Variants in FHIT observed in about 807,000 individuals in gnomAD.
The protein encoded by FHIT is bis(5'-adenosyl)-triphosphatase.
A neutral mutation model predicts 17.9 loss-of-function variants in FHIT; 19 were observed. That is an observed-to-expected ratio of 1.06 (90% CI 0.74 to 1.56). The LOEUF (loss-of-function observed/expected upper bound fraction) is 1.56. Ranked by LOEUF, FHIT falls within the 40% of genes most tolerant of loss-of-function variation. FHIT has a pLI of 0.00. For missense variants in FHIT, 248 were observed against 189.2 expected (o/e 1.31, Z -1.82); for synonymous variants, 81 against 69.7 (o/e 1.16, Z -0.81).
chr3:61,195,872 T>C (rs954614907), intron 2 of FHIT, among the ~76,000 whole-genome samples: 1 of 152,132 alleles, frequency 6.6e-6, no homozygotes, highest in African/African-American at 2.4e-5. Flanking sequence ...ACCTACCTTA[T>C]AAGGTAGATG....
intron 2 of FHIT, among the ~76,000 whole-genome samples, chr3:61,074,762 A>T (rs1390850007): frequency 6.6e-6 from 1 of 152,190 alleles, no homozygotes; most frequent in African/African-American, 2.4e-5. Context: ...ATAAATGGGG[A>T]AAATAAAGAT....
intron 4 of FHIT, among the ~76,000 whole-genome samples, chr3:60,742,653 A>G (rs2042262348): frequency 6.6e-6 from 1 of 152,174 alleles, no homozygotes; most frequent in Non-Finnish European, 1.5e-5. Flanking sequence ...GCTTTTAGGA[A>G]CCCATGCGTT....
chr3:60,940,191 C>T (rs1183384905), intron 3 of FHIT, among the ~76,000 whole-genome samples: 1 of 152,086 alleles, frequency 6.6e-6, no homozygotes, highest in Non-Finnish European at 1.5e-5. Context: ...CTCCATCTTC[C>T]CATTGTAAAA....
chr3:60,226,255 C>T (rs1309030792), intron 5 of FHIT, among the ~76,000 whole-genome samples: 1 of 151,972 alleles, frequency 6.6e-6, no homozygotes, highest in African/African-American at 2.4e-5. Context: ...GGCAGCCCAC[C>T]TGAGGTAGAG....
intron 5 of FHIT, among the ~76,000 whole-genome samples, chr3:60,208,920 T>C (rs1410822301): frequency 6.6e-6 from 1 of 152,166 alleles, no homozygotes; most frequent in East Asian, 1.9e-4. Context: ...ATCCACAATA[T>C]TTCAGGTACA....
At chr3:60,268,373 G>A (rs78444727) in intron 5 of FHIT, among the ~76,000 whole-genome samples, 13,732 of 152,162 alleles carry the variant, frequency 0.09, 771 homozygotes, top group Non-Finnish European at 0.13. Context: ...ATTCATAGCA[G>A]TTCATTTGTC....
chr3:60,744,246 TAAAAA>T (rs368982395), intron 4 of FHIT, among the ~76,000 whole-genome samples: 3 of 30,920 alleles, frequency 9.7e-5, no homozygotes, highest in Non-Finnish European at 1.6e-4. Flanking sequence ...GGAAGTAATG[TAAAAA>T]AAAAAACAAA....
intron 8 of FHIT, among the ~76,000 whole-genome samples, chr3:59,890,639 T>C (rs1296531079): frequency 1.3e-5 from 2 of 152,210 alleles, no homozygotes; most frequent in African/African-American, 4.8e-5. Context: ...CTTAGCAGTC[T>C]TAAATCAGCG....
At chr3:60,699,188 T>C (rs911618958) in intron 4 of FHIT, among the ~76,000 whole-genome samples, 1 of 152,172 alleles carries the variant, frequency 6.6e-6, no homozygotes, top group African/African-American at 2.4e-5. Flanking sequence ...TACAGCTTTT[T>C]CCACTACTGT....
chr3:60,318,251 G>C lies in FHIT; in HGVS notation c.103+218609C>G, dbSNP rs144044207. 2.9e-3 allele frequency among the ~76,000 whole-genome samples: 449 copies of C among 152,252 alleles called. 5 individuals are homozygous for C. The highest frequency in any genetic ancestry group is 0.011 in the African/African-American group (437 of 41,566). On this transcript the variant is annotated intron_variant, in intron 5 of 9. Transcript: ENST00000492590. The stretch of plus-strand genomic sequence containing the variant: ...TTAAGGAGCAAAAATTACAGTAACT[G>C]CTTGCCTTTTTCTTTGGACATCAAA...
chr3:60,165,747 T>C (rs1174614866), intron 5 of FHIT, among the ~76,000 whole-genome samples: 1 of 152,110 alleles, frequency 6.6e-6, no homozygotes, highest in African/African-American at 2.4e-5. Context: ...ATATATATGC[T>C]CATATATACC....
intron 8 of FHIT, among the ~76,000 whole-genome samples, chr3:59,754,764 A>ATAAT (rs1432614399): frequency 2.6e-5 from 4 of 152,234 alleles, no homozygotes; most frequent in Admixed American, 6.5e-5. Context: ...TTTTTGGGAA[A>ATAAT]TAATAGGAAA....
At chr3:60,579,683 T>C (rs1457093445) in intron 4 of FHIT, among the ~76,000 whole-genome samples, 2 of 152,148 alleles carry the variant, frequency 1.3e-5, no homozygotes, top group Admixed American at 1.3e-4. Flanking sequence ...AAACTATTAC[T>C]ACAGTTTGAG....
At position 60,950,466 on chromosome 3, in the gene FHIT, C is replaced by T. The variant is rs1243435974; in HGVS notation, c.-111+91581G>A. Reference sequence around the variant, plus strand: ...AATAAAATATTAAAGAAGAAGGCTGCTAGGTAGGGCTTTTTTTTCTTTTTT... The same window carrying T: ...AATAAAATATTAAAGAAGAAGGCTGTTAGGTAGGGCTTTTTTTTCTTTTTT... On this transcript the variant is annotated intron_variant, in intron 3 of 9. Transcript: ENST00000492590. Among the ~76,000 whole-genome samples, 3 of 150,388 alleles carry T rather than the reference C, an allele frequency of 2.0e-5. No homozygotes were observed. In the Admixed American group the frequency reaches 2.0e-4, roughly 10 times the overall value.
intron 2 of FHIT, among the ~76,000 whole-genome samples, chr3:61,079,161 T>C (rs2035056673): frequency 6.6e-6 from 1 of 152,206 alleles, no homozygotes; most frequent in African/African-American, 2.4e-5. Flanking sequence ...AAAAGTTGTT[T>C]GCAGTCACAA....
At chr3:60,306,697 A>G (rs994550284) in intron 5 of FHIT, among the ~76,000 whole-genome samples, 1 of 152,194 alleles carries the variant, frequency 6.6e-6, no homozygotes, top group Admixed American at 6.6e-5. Flanking sequence ...CAGTATGGCA[A>G]GAGAGTTTAC....
chr3:61,073,423 C>A, intron 2 of FHIT, among the ~76,000 whole-genome samples: 1 of 152,204 alleles, frequency 6.6e-6, no homozygotes, highest in East Asian at 1.9e-4. Context: ...GCTGAACAAC[C>A]TCCTCTTCCC....
intron 8 of FHIT, among the ~76,000 whole-genome samples, chr3:59,777,797 G>C (rs1047315868): frequency 6.6e-6 from 1 of 152,026 alleles, no homozygotes; most frequent in East Asian, 1.9e-4. Context: ...CGGGCACACT[G>C]GCCTCCCTTC....
In FHIT at chr3:60,211,622, A is replaced by AATT. The variant is rs1188616254; in HGVS notation, c.104-197473_104-197471dup. On this transcript the variant is annotated intron_variant, in intron 5 of 9. Transcript: ENST00000492590. ...AACTCTAAACTGCTCATGGTAATTA[A>AATT]ATTATTTGTAGTAGGACTGGTATCG... Among the ~76,000 whole-genome samples the AATT allele has an allele frequency of 2.0e-5, 3 of 152,302 alleles. No individual in the cohort carries two copies. The East Asian group carries it at 5.8e-4, about 29-fold the overall frequency.
Sources: gnomAD v4.1 joint callset for allele counts (sites outside exome capture counted in the v4.1 genomes callset) on GRCh38, gnomAD v4.1.1 for gene constraint, MANE v1.5 for transcripts, NCBI Gene and HGNC (gene_info 2026-07-23, HGNC 2026-07-21) for gene names.